ADAM32: variants seen among roughly 807,000 people sequenced by gnomAD.
The protein encoded by ADAM32 is disintegrin and metalloproteinase domain-containing protein 32.
Under a neutral mutation model 114.9 loss-of-function variants are expected in ADAM32, and 89 were observed. That is an observed-to-expected ratio of 0.77 (90% CI 0.65 to 0.92). The LOEUF (loss-of-function observed/expected upper bound fraction) is 0.92, where lower values mean the gene tolerates loss of function less well. Ranked by LOEUF, ADAM32 falls within the 40% of genes least tolerant of loss-of-function variation. The pLI is 0.00. For missense variants in ADAM32, 870 were observed against 932.8 expected (o/e 0.93, Z 0.88); for synonymous variants, 285 against 307.5 (o/e 0.93, Z 0.77).
At chr8:39,146,411 A>AAT (rs1803507517) in intron 3 of ADAM32, among the ~76,000 whole-genome samples, 2 of 138,788 alleles carry the variant, frequency 1.4e-5, no homozygotes, top group South Asian at 2.3e-4. Context: ...TGTCTATTAA[A>AAT]TTTTTTTTTT....
intron 7 of ADAM32, among the ~76,000 whole-genome samples, 177 bp from the exon 8 acceptor site, chr8:39,164,587 A>C (rs1024119849): frequency 6.6e-6 from 1 of 152,216 alleles, no homozygotes; most frequent in Non-Finnish European, 1.5e-5. Context: ...ACCATTTTAC[A>C]TTCCCATCAG....
At chr8:39,134,716 A>T (rs986703829) in intron 2 of ADAM32, among the ~76,000 whole-genome samples, 1 of 152,202 alleles carries the variant, frequency 6.6e-6, no homozygotes, top group African/African-American at 2.4e-5. Flanking sequence ...ATAGTCTGCA[A>T]ATAAAAGGTA....
At chr8:39,191,961 A>C (rs1034518420) in intron 11 of ADAM32, among the ~76,000 whole-genome samples, 4 of 152,112 alleles carry the variant, frequency 2.6e-5, no homozygotes, top group Non-Finnish European at 4.4e-5. Context: ...CAGGAATGGT[A>C]CCCGGTCTTC....
At chr8:39,149,663 A>T (rs1385274212) in intron 4 of ADAM32, 128 bp from the exon 5 acceptor site, 2 of 635,092 alleles carry the variant, frequency 3.1e-6, no homozygotes, top group Non-Finnish European at 5.2e-6. Context: ...ATTTCACCTT[A>T]CTTGTACTGA....
At chr8:39,197,076 T>C (rs1585514118) in intron 11 of ADAM32, among the ~76,000 whole-genome samples, 1 of 152,154 alleles carries the variant, frequency 6.6e-6, no homozygotes, top group Non-Finnish European at 1.5e-5. Flanking sequence ...TGGCAGGTTG[T>C]ATGTGTCCAG....
chr8:39,200,712 G>T (rs1366017907), intron 11 of ADAM32, among the ~76,000 whole-genome samples: 3 of 152,162 alleles, frequency 2.0e-5, no homozygotes, highest in Non-Finnish European at 4.4e-5. Flanking sequence ...CCTATGTCCT[G>T]AATGGTATTG....
rs200748437 is a variant in ADAM32 at position 39,246,057 on chromosome 8, C to G, written c.1819-26C>G. The G allele has an allele frequency of 5.3e-5, 85 of 1,598,720 alleles. No individual in the cohort carries two copies. In the African/African-American group the frequency reaches 1.0e-3, roughly 20 times the overall value. ...TGACTGTACCCCTCTGACATGGGAA[C>G]TTTTTTTGTATGTGTTTTTCTTTAG... On this transcript the variant is annotated intron_variant, in intron 16 of 24. Transcript: ENST00000379907.
chr8:39,264,223 A>G (rs975163145), intron 19 of ADAM32, among the ~76,000 whole-genome samples: 12 of 152,190 alleles, frequency 7.9e-5, no homozygotes, highest in African/African-American at 2.9e-4. Context: ...TCCCCCAGGT[A>G]GTGAGCATAA....
At chr8:39,113,906 A>G (rs1423410751) in intron 1 of ADAM32, among the ~76,000 whole-genome samples, 1 of 152,214 alleles carries the variant, frequency 6.6e-6, no homozygotes, top group African/African-American at 2.4e-5. Context: ...GCTGATTGGA[A>G]TTGAAAATAA....
At chr8:39,241,749 T>G (rs931420725) in intron 16 of ADAM32, among the ~76,000 whole-genome samples, 6 of 152,210 alleles carry the variant, frequency 3.9e-5, no homozygotes, top group African/African-American at 1.4e-4. Context: ...CCTCCAGGCC[T>G]CTGACTGGAG....
At chr8:39,172,104 T>C (rs1041458060) in intron 10 of ADAM32, among the ~76,000 whole-genome samples, 1 of 152,046 alleles carries the variant, frequency 6.6e-6, no homozygotes, top group Non-Finnish European at 1.5e-5. Context: ...AAAGCTTTGA[T>C]GGTCAAAGGA....
chr8:39,273,442 G>C (rs1324211428), intron 20 of ADAM32, among the ~76,000 whole-genome samples: 1 of 152,092 alleles, frequency 6.6e-6, no homozygotes, highest in South Asian at 2.1e-4. Flanking sequence ...CAGGAGAATC[G>C]CTTGAGCCCA....
At chr8:39,243,215 A>T (rs1810679642) in intron 16 of ADAM32, among the ~76,000 whole-genome samples, 1 of 152,170 alleles carries the variant, frequency 6.6e-6, no homozygotes, top group Non-Finnish European at 1.5e-5. Context: ...TAATAAAAGA[A>T]CTGGTACCAA....
chr8:39,110,411 G>C (rs566796748), intron 1 of ADAM32, among the ~76,000 whole-genome samples: 1 of 152,016 alleles, frequency 6.6e-6, no homozygotes, highest in Non-Finnish European at 1.5e-5. Context: ...CAATTGTCTG[G>C]ATCTACCACA....
chr8:39,170,681 G>A (rs948381670), intron 10 of ADAM32, among the ~76,000 whole-genome samples: 1 of 151,792 alleles, frequency 6.6e-6, no homozygotes, highest in African/African-American at 2.4e-5. Context: ...GCCACCAGGT[G>A]GAGATAACCA....
intron 3 of ADAM32, among the ~76,000 whole-genome samples, chr8:39,143,288 C>A (rs878989009): frequency 6.6e-6 from 1 of 152,160 alleles, no homozygotes; most frequent in Non-Finnish European, 1.5e-5. Flanking sequence ...AGAAGAGGCA[C>A]TCTGTTTTTT....
At chr8:39,249,370 T>C (rs1811143608) in intron 17 of ADAM32, among the ~76,000 whole-genome samples, 1 of 152,248 alleles carries the variant, frequency 6.6e-6, no homozygotes, top group African/African-American at 2.4e-5. Context: ...TATAATTCTT[T>C]TTATGCATTG....
rs144159148 is a variant in ADAM32, at chr8:39,120,984, C to T, written c.138+2819C>T. Among the ~76,000 whole-genome samples the T allele has an allele frequency of 1.4e-3, 216 of 152,108 alleles. 4 individuals are homozygous for T. In the East Asian group the frequency reaches 0.022, roughly 16 times the overall value. ...CTGAAGATGTGGCTTGTTTTGTCATCACTGCTTATAGAAAATGCAAAATGC... is the reference window on the plus strand; with the variant it reads ...CTGAAGATGTGGCTTGTTTTGTCATTACTGCTTATAGAAAATGCAAAATGC... On this transcript the variant is annotated intron_variant, in intron 2 of 24. Coordinates refer to ENST00000379907, the MANE Select transcript of ADAM32 (RefSeq NM_145004.7).
At chr8:39,167,971 C>G (rs149026926) in intron 9 of ADAM32, 1 of 152,082 alleles carries the variant, frequency 6.6e-6, no homozygotes, top group Non-Finnish European at 1.5e-5. Flanking sequence ...GGTAAATGAT[C>G]GTATCATCAC....
Sources: gnomAD v4.1 joint callset for allele counts (sites outside exome capture counted in the v4.1 genomes callset) on GRCh38, gnomAD v4.1.1 for gene constraint, MANE v1.5 for transcripts, NCBI Gene and HGNC (gene_info 2026-07-23, HGNC 2026-07-21) for gene names.